Variants in LRRC7 observed in about 807,000 individuals in gnomAD.
LRRC7 encodes the protein leucine-rich repeat-containing protein 7.
A neutral mutation model predicts 175.7 loss-of-function variants in LRRC7; 23 were observed. The observed-to-expected ratio is 0.13, with a 90% CI of 0.09 to 0.19. LRRC7 has a LOEUF of 0.19. Ranked by LOEUF, LRRC7 falls within the 10% of genes least tolerant of loss-of-function variation. LRRC7 has a pLI of 1.00. For missense variants in LRRC7, 1,354 were observed against 1,904.7 expected (o/e 0.71, Z 5.38); for synonymous variants, 685 against 680.9 (o/e 1.01, Z -0.09).
At chr1:69,679,140 T>C (rs1476004751) in intron 2 of LRRC7, among the ~76,000 whole-genome samples, 2 of 152,096 alleles carry the variant, frequency 1.3e-5, no homozygotes, top group African/African-American at 4.8e-5. Context: ...TTGGAGACTC[T>C]TGACATAATA....
intron 10 of LRRC7, among the ~76,000 whole-genome samples, chr1:69,994,229 G>C (rs934057292): frequency 6.6e-6 from 1 of 152,110 alleles, no homozygotes; most frequent in African/African-American, 2.4e-5. Flanking sequence ...ATCACAGCTG[G>C]CTTGAAAAAT....
intron 1 of LRRC7, among the ~76,000 whole-genome samples, chr1:69,618,147 G>A (rs1649983474): frequency 6.6e-6 from 1 of 151,988 alleles, no homozygotes; most frequent in South Asian, 2.1e-4. Flanking sequence ...TCCCCCGCAG[G>A]AACTCTGGCT....
chr1:69,862,759 A>G (rs1207806655), intron 7 of LRRC7, among the ~76,000 whole-genome samples: 4 of 151,982 alleles, frequency 2.6e-5, no homozygotes, highest in African/African-American at 7.3e-5. Context: ...GTTTTGTTAC[A>G]TAGTTATACG....
At position 69,847,583 on chromosome 1, in the gene LRRC7, T is replaced by C. The variant is rs550813080; in HGVS notation, c.647+9300T>C. ...AATCAAACAGAAATCCTGTTTCTTA[T>C]TATACACTGCCTAATGACAGCACTA... On this transcript the variant is annotated intron_variant, in intron 7 of 26. Coordinates refer to ENST00000651989, the MANE Select transcript of LRRC7 (RefSeq NM_001370785.2). Among the ~76,000 whole-genome samples, 9 of 152,178 alleles carry C rather than the reference T, an allele frequency of 5.9e-5. No individual in the cohort carries two copies. The South Asian group carries it at 1.5e-3, about 25-fold the overall frequency.
chr1:69,717,973 G>GAA (rs1557642474), intron 2 of LRRC7, among the ~76,000 whole-genome samples: 5 of 107,314 alleles, frequency 4.7e-5, no homozygotes, highest in African/African-American at 1.4e-4. Context: ...AAGAAAGAAA[G>GAA]AGAAAGAAAG....
chr1:69,931,605 C>T (rs376635233), intron 8 of LRRC7, 35 bp downstream of exon 8: 2 of 1,501,612 alleles, frequency 1.3e-6, no homozygotes, highest in South Asian at 2.3e-5. Flanking sequence ...TGATAAATAC[C>T]CTTCAGGAGA....
At chr1:69,814,866 G>A (rs976709132) in intron 4 of LRRC7, among the ~76,000 whole-genome samples, 3 of 152,088 alleles carry the variant, frequency 2.0e-5, no homozygotes, top group African/African-American at 7.2e-5. Flanking sequence ...CTCAATAGCT[G>A]AAACAAAAGC....
Position 70,039,391 on chromosome 1 carries a change from G to A in LRRC7, c.3567G>A (p.Gly1189=). The A allele has an allele frequency of 1.2e-6, 2 of 1,614,096 alleles. No homozygotes were observed. Among genetic ancestry groups the A allele is most frequent in the Non-Finnish European group, 1.7e-6 (2 of 1,180,018 alleles). Residue 1189 remains glycine (G), a synonymous_variant, in exon 21 of 27, where the codon GGG becomes GGA. Coordinates refer to ENST00000651989, the MANE Select transcript of LRRC7 (RefSeq NM_001370785.2). ...DRYGRPPYRG[G]LDRQSSVTVT... is the part of the protein sequence containing the mutation. ...ACGGCAGACCCCCATATAGGGGAGG[G>A]CTGGATCGCCAAAGCAGCGTTACAG...
chr1:69,988,509 C>A (rs1428893523), intron 10 of LRRC7, among the ~76,000 whole-genome samples: 3 of 152,176 alleles, frequency 2.0e-5, no homozygotes, highest in South Asian at 2.1e-4. Flanking sequence ...TATCTCCAGG[C>A]CTGATGGGCT....
At chr1:70,090,105 A>G (rs902158691) in intron 25 of LRRC7, among the ~76,000 whole-genome samples, 5 of 152,118 alleles carry the variant, frequency 3.3e-5, no homozygotes, top group African/African-American at 1.2e-4. Flanking sequence ...TTTGCTCCAC[A>G]GTTGTCTATA....
rs962255797 is a variant in LRRC7 at position 70,128,021 on chromosome 1, G to A, written c.*6134G>A. 8.6e-5 allele frequency among the ~76,000 whole-genome samples: 13 copies of A among 151,996 alleles called. No individual in the cohort carries two copies. Among genetic ancestry groups the A allele is most frequent in the Admixed American group, 2.0e-4 (3 of 15,268 alleles). Reference sequence around the variant, plus strand: ...GTGTCACCCAGGCTGGAGTGCAGTAGCGCTATCTTGGCTCACTGTAACTTC... The same window carrying A: ...GTGTCACCCAGGCTGGAGTGCAGTAACGCTATCTTGGCTCACTGTAACTTC... On this transcript the variant is annotated 3_prime_UTR_variant, in exon 27 of 27. Coordinates refer to ENST00000651989, the MANE Select transcript of LRRC7 (RefSeq NM_001370785.2).
At chr1:69,665,869 CA>C (rs1002825584) in intron 1 of LRRC7, among the ~76,000 whole-genome samples, 7 of 151,928 alleles carry the variant, frequency 4.6e-5, no homozygotes, top group African/African-American at 1.4e-4. Flanking sequence ...TGTTGAAAAA[CA>C]GTGGGGAAAG....
chr1:69,849,164 T>C (rs147417311), intron 7 of LRRC7, among the ~76,000 whole-genome samples: 124 of 152,110 alleles, frequency 8.2e-4, no homozygotes, highest in African/African-American at 2.8e-3. Context: ...AGATTAGAAA[T>C]AAAATTAGAT....
At position 69,781,620 on chromosome 1, in the gene LRRC7, T is replaced by A. The variant is rs1007598296; in HGVS notation, c.304-10423T>A. ...TCGCTTGAACCTGGGAGGTGGAGGT[T>A]GCAGTGAGCTGAGATCATGCCACTG... On this transcript the variant is annotated intron_variant, in intron 3 of 26. Coordinates refer to ENST00000651989, the MANE Select transcript of LRRC7 (RefSeq NM_001370785.2). 6.8e-5 allele frequency among the ~76,000 whole-genome samples: 10 copies of A among 147,702 alleles called. No homozygotes were observed. The Admixed American group carries it at 6.9e-4, about 10-fold the overall frequency.
intron 1 of LRRC7, among the ~76,000 whole-genome samples, chr1:69,623,319 A>G (rs1275415791): frequency 2.6e-5 from 4 of 152,174 alleles, no homozygotes; most frequent in Non-Finnish European, 5.9e-5. Flanking sequence ...ACTTTTCTGT[A>G]GTCCTCCATG....
At position 69,688,766 on chromosome 1, in the gene LRRC7, T is replaced by C. The variant is rs183987766; in HGVS notation, c.100+10288T>C. Among the ~76,000 whole-genome samples the C allele has an allele frequency of 2.0e-4, 31 of 152,270 alleles. No individual in the cohort carries two copies. In the South Asian group the frequency reaches 6.2e-3, roughly 31 times the overall value. Reference sequence around the variant, plus strand: ...ACACCAGGAGAATGCTATGTACTCATTGGCCTCACCCTATTGTGCTGGACC... The same window carrying C: ...ACACCAGGAGAATGCTATGTACTCACTGGCCTCACCCTATTGTGCTGGACC... On this transcript the variant is annotated intron_variant, in intron 2 of 26. Transcript: ENST00000651989.
chr1:69,994,769 A>G, intron 11 of LRRC7, 136 bp downstream of exon 11: 1 of 527,616 alleles, frequency 1.9e-6, no homozygotes. Flanking sequence ...TTTAAACCAT[A>G]TTTTATTTAT....
At chr1:69,656,205 A>C (rs1656583061) in intron 1 of LRRC7, among the ~76,000 whole-genome samples, 1 of 152,032 alleles carries the variant, frequency 6.6e-6, no homozygotes, top group Admixed American at 6.6e-5. Flanking sequence ...AATCACCAAG[A>C]TGGAAACATG....
At chr1:69,582,075 AT>A (rs981210690) in intron 1 of LRRC7, among the ~76,000 whole-genome samples, 3 of 151,692 alleles carry the variant, frequency 2.0e-5, no homozygotes, top group African/African-American at 7.3e-5. Flanking sequence ...TCATCTTCAC[AT>A]TTTTTTTCAC....
Sources: allele counts gnomAD v4.1 joint callset (sites outside exome capture counted in the v4.1 genomes callset), GRCh38; gene constraint gnomAD v4.1.1; transcripts MANE v1.5; gene names NCBI Gene and HGNC (gene_info 2026-07-23, HGNC 2026-07-21).